FLYWCH1: variants seen among roughly 807,000 people sequenced by gnomAD.
The protein encoded by FLYWCH1 is FLYWCH-type zinc finger 1, also known as FLYWCH-type zinc finger-containing protein 1.
A neutral mutation model predicts 66.4 loss-of-function variants in FLYWCH1; 75 were observed. That is an observed-to-expected ratio of 1.13 (90% CI 0.94 to 1.37). The LOEUF (loss-of-function observed/expected upper bound fraction) is 1.37. Among genes scored for constraint, FLYWCH1 ranks in the 40% most tolerant of loss-of-function variants. The pLI, the probability that FLYWCH1 is intolerant of heterozygous loss-of-function variation, is 0.00. For synonymous variants in FLYWCH1, 595 were observed against 429.9 expected (o/e 1.38, Z -4.75); for missense variants, 1,334 against 1,001.8 (o/e 1.33, Z -4.48).
At chr16:2,914,315 C>G (rs568323062) in intron 2 of FLYWCH1, 26 bp downstream of exon 2, 2 of 152,236 alleles carry the variant, frequency 1.3e-5, no homozygotes, top group South Asian at 2.1e-4. Context: ...CATCAGCTGC[C>G]GACAGAGCCG....
chr16:2,914,188 C>G lies in FLYWCH1; in HGVS notation c.-175C>G, dbSNP rs893243574. ...ACTTTCTTCACAGGTGAAACCAGCCCAGAGAAGTTACGGGATTTGCCCCCG... is the reference window on the plus strand; with the variant it reads ...ACTTTCTTCACAGGTGAAACCAGCCGAGAGAAGTTACGGGATTTGCCCCCG... On this transcript the variant is annotated 5_prime_UTR_variant, in exon 2 of 10. Transcript: ENST00000253928. The G allele has an allele frequency of 6.6e-6, 1 of 152,260 alleles. No homozygotes were observed. The highest frequency in any genetic ancestry group is 1.9e-4 in the East Asian group (1 of 5,194). The allele number at this position is 152,260 out of a possible 1,614,324, so 9.4% of individuals were successfully genotyped here.
intron 9 of FLYWCH1, among the ~76,000 whole-genome samples, chr16:2,947,536 G>A (rs1205965254): frequency 2.6e-5 from 4 of 152,172 alleles, no homozygotes; most frequent in Non-Finnish European, 5.9e-5. Flanking sequence ...TGAGGAAGGT[G>A]GATCACCTGA....
chr16:2,918,734 C>G (rs889823523), intron 2 of FLYWCH1, among the ~76,000 whole-genome samples: 1 of 152,128 alleles, frequency 6.6e-6, no homozygotes, highest in Non-Finnish European at 1.5e-5. Flanking sequence ...AACCACCGTG[C>G]CTGGCCTTAA....
intron 4 of FLYWCH1, among the ~76,000 whole-genome samples, chr16:2,932,049 C>T (rs1295570919): frequency 3.4e-5 from 5 of 145,708 alleles, no homozygotes; most frequent in East Asian, 4.0e-4. Context: ...ACCCGGGAGG[C>T]GGAGCTTGCC....
At chr16:2,944,971 G>A (rs2071420294) in intron 9 of FLYWCH1, among the ~76,000 whole-genome samples, 1 of 152,176 alleles carries the variant, frequency 6.6e-6, no homozygotes, top group Non-Finnish European at 1.5e-5. Context: ...AGTGGGACAA[G>A]ATGTGGAGGT....
chr16:2,930,325 G>A, intron 3 of FLYWCH1, 85 bp from the exon 4 acceptor site: 1 of 826,006 alleles, frequency 1.2e-6, no homozygotes, highest in Non-Finnish European at 1.9e-6. Context: ...CCATACTCAG[G>A]ATCCCCACGC....
chr16:2,940,192 A>G, intron 9 of FLYWCH1, 100 bp downstream of exon 9: 2 of 681,942 alleles, frequency 2.9e-6, no homozygotes, highest in Non-Finnish European at 5.4e-6. Flanking sequence ...GTGGGTCAAC[A>G]TTATGGGAGT....
Position 2,918,304 on chromosome 16 carries a change from C to T in FLYWCH1, c.-74+4015C>T, listed in dbSNP as rs373338138. ...CTGGGACTACAGGCGGCCGCCACCG[C>T]GCCCAGCTAATTTTTTGTATTTTTA... is the stretch of plus-strand genomic sequence containing the variant. On this transcript the variant is annotated intron_variant, in intron 2 of 9. Transcript: ENST00000253928. Among the ~76,000 whole-genome samples the T allele has an allele frequency of 1.6e-3, 241 of 151,996 alleles. 1 individual carries two copies. Among genetic ancestry groups the T allele is most frequent in the African/African-American group, 5.4e-3 (223 of 41,454 alleles).
rs1248506882 is a variant in FLYWCH1, at chr16:2,938,381, C to T, written c.1975C>T (p.Gln659Ter). Residue 659 changes from glutamine (Q) to a stop codon, truncating the protein, a stop_gained, in exon 8 of 10, where the codon CAG becomes TAG. Transcript: ENST00000253928. LOFTEE classifies it high-confidence loss of function. ...CATGGTCATGCGCAGCCACTGCCAT[C>T]AGCCTGACCTGGCAGGCCTGGAGGC... is the stretch of plus-strand genomic sequence containing the variant. ...RIMVMRSHCH[Q>*]PDLAGLEALR... The T allele has an allele frequency of 1.3e-6, 2 of 1,573,680 alleles. No homozygotes were observed. The highest frequency in any genetic ancestry group is 1.7e-6 in the Non-Finnish European group (2 of 1,158,586).
intron 2 of FLYWCH1, chr16:2,922,652 C>T: frequency 2.3e-6 from 1 of 431,464 alleles, no homozygotes; most frequent in Non-Finnish European, 4.5e-6. Flanking sequence ...GCCAGCCGGA[C>T]TCGGTTTACA....
In FLYWCH1 at chr16:2,949,395, T is replaced by A. The variant is rs376186814; in HGVS notation, c.*668T>A. 148 of 152,508 alleles carry A rather than the reference T, an allele frequency of 9.7e-4. 1 individual carries two copies. The highest frequency in any genetic ancestry group is 3.5e-3 in the African/African-American group (145 of 41,558). The allele number at this position is 152,508 out of a possible 1,614,324, so 9.4% of individuals were successfully genotyped here. On this transcript the variant is annotated 3_prime_UTR_variant, in exon 10 of 10. Transcript: ENST00000253928. Reference sequence around the variant, plus strand: ...CTCTCCACGATTCCCACGGCAGGCGTCATTCCCGAGATGGGAGCCAGTCCA... The same window carrying A: ...CTCTCCACGATTCCCACGGCAGGCGACATTCCCGAGATGGGAGCCAGTCCA...
chr16:2,914,489 G>A (rs1054005921), intron 2 of FLYWCH1, among the ~76,000 whole-genome samples, 200 bp downstream of exon 2: 3 of 152,178 alleles, frequency 2.0e-5, no homozygotes, highest in Non-Finnish European at 2.9e-5. Flanking sequence ...AAATTGCTCC[G>A]CACCCTCAAT....
chr16:2,948,997 T>C lies in FLYWCH1; in HGVS notation c.*270T>C. The C allele has an allele frequency of 2.0e-6, 1 of 492,576 alleles. No homozygotes were observed. The allele number at this position is 492,576 out of a possible 1,614,324, so 30.5% of individuals were successfully genotyped here. A position where few individuals can be genotyped will look rare whatever the true frequency, so the allele number is the denominator to read the frequency against. ...GCGCCTTCCTGACCTTTGGAAGACA[T>C]GACAAAGCTGCCTGGACACGGACGC... On this transcript the variant is annotated 3_prime_UTR_variant, in exon 10 of 10. Transcript: ENST00000253928.
intron 9 of FLYWCH1, among the ~76,000 whole-genome samples, chr16:2,942,462 A>G (rs1015666732): frequency 3.3e-5 from 5 of 152,096 alleles, no homozygotes; most frequent in Non-Finnish European, 7.4e-5. Context: ...CTCATTCTCT[A>G]AGACCAGTAT....
chr16:2,939,908 C>G, intron 8 of FLYWCH1, 124 bp from the exon 9 acceptor site: 1 of 1,150,896 alleles, frequency 8.7e-7, no homozygotes, highest in Non-Finnish European at 1.2e-6. Flanking sequence ...CCCAGCGTTG[C>G]TTCACCCGGT....
intron 2 of FLYWCH1, among the ~76,000 whole-genome samples, chr16:2,926,467 C>T (rs1221963612): frequency 6.6e-6 from 1 of 152,142 alleles, no homozygotes; most frequent in East Asian, 1.9e-4. Flanking sequence ...ATGGAAAGTT[C>T]ACATTGTAAG....
At chr16:2,947,175 CAAT>C (rs750074821) in intron 9 of FLYWCH1, among the ~76,000 whole-genome samples, 2 of 152,182 alleles carry the variant, frequency 1.3e-5, no homozygotes, top group African/African-American at 4.8e-5. Context: ...ACGCATGCTA[CAAT>C]GAGGATGCAC....
Position 2,933,766 on chromosome 16 carries a change from G to C in FLYWCH1, c.1300G>C (p.Glu434Gln), listed in dbSNP as rs202023803. 2 of 1,613,194 alleles carry C rather than the reference G, an allele frequency of 1.2e-6. No individual in the cohort carries two copies. Among genetic ancestry groups the C allele is most frequent in the East Asian group, 2.2e-5 (1 of 44,830 alleles). ...TPLGGSFLVY[E>Q]SFLYRREKAA... The stretch of plus-strand genomic sequence containing the variant: ...CCTGGGGGGCAGCTTCCTGGTGTAC[G>C]AGTCCTTCCTCTACCGGCGGGAGAA... Residue 434 changes from glutamate to glutamine, a missense_variant, in exon 6 of 10, where the codon GAG becomes CAG. Glu to Gln is a conservative substitution (Grantham distance 29). Coordinates refer to ENST00000253928, the MANE Select transcript of FLYWCH1 (RefSeq NM_001308068.2).
chr16:2,913,632 A>C lies in FLYWCH1; in HGVS notation c.-187-544A>C, dbSNP rs563396444. On this transcript the variant is annotated intron_variant, in intron 1 of 9. Transcript: ENST00000253928. ...CTCCCACAGCAGAATCATCCGGCCC[A>C]AAATGCCAACGGTGCTGAGATTGTG... is the stretch of plus-strand genomic sequence containing the variant. 1.1e-4 allele frequency among the ~76,000 whole-genome samples: 16 copies of C among 152,306 alleles called. No homozygotes were observed. In the South Asian group the frequency reaches 3.3e-3, roughly 32 times the overall value.
Sources: gnomAD v4.1 joint callset for allele counts (sites outside exome capture counted in the v4.1 genomes callset) on GRCh38, gnomAD v4.1.1 for gene constraint, MANE v1.5 for transcripts, NCBI Gene and HGNC (gene_info 2026-07-23, HGNC 2026-07-21) for gene names.